UVRAG: variants seen among roughly 807,000 people sequenced by gnomAD.
UVRAG encodes the protein UV radiation resistance associated.
In UVRAG, 19 loss-of-function variants were observed where a neutral mutation model predicts 78.0. That is an observed-to-expected ratio of 0.24 (90% CI 0.17 to 0.36). UVRAG has a LOEUF of 0.36. UVRAG is among the 10% of genes least tolerant of loss of function. The pLI is 1.00. For missense variants in UVRAG, 740 were observed against 853.8 expected (o/e 0.87, Z 1.66); for synonymous variants, 323 against 324.6 (o/e 1.00, Z 0.05).
intron 7 of UVRAG, among the ~76,000 whole-genome samples, chr11:75,963,698 G>T (rs1948954482): frequency 6.6e-6 from 1 of 152,200 alleles, no homozygotes; most frequent in African/African-American, 2.4e-5. Flanking sequence ...TGGGTTCATA[G>T]TTGGTGACTT....
chr11:76,054,834 T>C (rs2134358301), intron 12 of UVRAG, among the ~76,000 whole-genome samples: 1 of 152,302 alleles, frequency 6.6e-6, no homozygotes, highest in Middle Eastern at 3.4e-3. Context: ...CCTAGAAGAG[T>C]GCCTATCACA....
intron 7 of UVRAG, among the ~76,000 whole-genome samples, chr11:75,963,130 AT>A (rs1359766230): frequency 2.0e-5 from 3 of 152,120 alleles, no homozygotes; most frequent in Non-Finnish European, 2.9e-5. Context: ...TCTGTATAAT[AT>A]TCATTACCAT....
chr11:76,116,611 A>G (rs1209343451), intron 14 of UVRAG, among the ~76,000 whole-genome samples: 1 of 152,196 alleles, frequency 6.6e-6, no homozygotes, highest in African/African-American at 2.4e-5. Context: ...TAGAAAGAAG[A>G]CATTAGATTC....
At chr11:75,918,856 A>C (rs1022207287) in intron 6 of UVRAG, among the ~76,000 whole-genome samples, 15 of 152,186 alleles carry the variant, frequency 9.9e-5, no homozygotes, top group African/African-American at 3.6e-4. Flanking sequence ...TTTCTAGGCT[A>C]ATATTTAAAA....
intron 12 of UVRAG, among the ~76,000 whole-genome samples, chr11:76,028,465 TG>T (rs1227682981): frequency 6.6e-6 from 1 of 152,150 alleles, no homozygotes. Flanking sequence ...AAAGCTGAGA[TG>T]GGCTGAAAGC....
chr11:75,941,252 C>T (rs1948477615), intron 6 of UVRAG, among the ~76,000 whole-genome samples: 1 of 152,098 alleles, frequency 6.6e-6, no homozygotes, highest in Admixed American at 6.6e-5. Flanking sequence ...ATAGATGAAA[C>T]CAACTGTTTC....
In UVRAG at chr11:75,861,714, A is replaced by G. The variant is rs1201493514; in HGVS notation, c.236-32A>G. ...GGTTAATGGGCTTATTTTCTTTCAT[A>G]TCACTTATTGTTCTTTTTTCTTCTT... is the stretch of plus-strand genomic sequence containing the variant. On this transcript the variant is annotated intron_variant, in intron 2 of 14. Coordinates refer to ENST00000356136, the MANE Select transcript of UVRAG (RefSeq NM_003369.4). The G allele has an allele frequency of 1.2e-5, 18 of 1,533,312 alleles. No homozygotes were observed. In the East Asian group the frequency reaches 4.1e-4, roughly 35 times the overall value. The allele number at this position is 1,533,312 out of a possible 1,614,324, so 95.0% of individuals were successfully genotyped here.
chr11:76,057,377 G>A (rs1054039680), intron 12 of UVRAG, among the ~76,000 whole-genome samples: 1 of 152,088 alleles, frequency 6.6e-6, no homozygotes, highest in African/African-American at 2.4e-5. Flanking sequence ...CACTTATGGG[G>A]GAAGGTTAAA....
intron 14 of UVRAG, among the ~76,000 whole-genome samples, chr11:76,121,022 G>A (rs1479111369): frequency 6.6e-6 from 1 of 152,138 alleles, no homozygotes; most frequent in Non-Finnish European, 1.5e-5. Context: ...TGGTGTTGAG[G>A]ATTTCATACT....
At position 75,924,131 on chromosome 11, in the gene UVRAG, C is replaced by T. The variant is rs566437508; in HGVS notation, c.593+12092C>T. 2.0e-5 allele frequency among the ~76,000 whole-genome samples: 3 copies of T among 152,218 alleles called. No homozygotes were observed. The East Asian group carries it at 5.8e-4, about 29-fold the overall frequency. ...AAGCTGGCTCAGAGCGAATGCTCAG[C>T]AAATATTTGTTAAATGAATGAATGA... On this transcript the variant is annotated intron_variant, in intron 6 of 14. Transcript: ENST00000356136.
intron 6 of UVRAG, among the ~76,000 whole-genome samples, chr11:75,920,014 T>TG (rs1947942922): frequency 4.8e-5 from 4 of 83,346 alleles, no homozygotes; most frequent in African/African-American, 2.9e-4. Context: ...TTTGGTTTTT[T>TG]TTTTTTTTTT....
intron 13 of UVRAG, among the ~76,000 whole-genome samples, chr11:76,077,711 CAA>C (rs1951428601): frequency 6.6e-6 from 1 of 152,148 alleles, no homozygotes; most frequent in African/African-American, 2.4e-5. Flanking sequence ...GTTAGATAAA[CAA>C]AGAAATTCAG....
At chr11:75,903,452 C>G (rs1160267391) in intron 5 of UVRAG, among the ~76,000 whole-genome samples, 2 of 152,192 alleles carry the variant, frequency 1.3e-5, no homozygotes, top group Non-Finnish European at 2.9e-5. Flanking sequence ...ATAATTTCCA[C>G]GTCACTGAAG....
intron 1 of UVRAG, among the ~76,000 whole-genome samples, chr11:75,830,734 C>G (rs1206629116): frequency 1.3e-5 from 2 of 152,198 alleles, no homozygotes; most frequent in Admixed American, 6.5e-5. Context: ...TTTTTAACCT[C>G]TGTGTGCCTC....
intron 1 of UVRAG, among the ~76,000 whole-genome samples, chr11:75,822,228 G>A (rs1290577990): frequency 1.3e-5 from 2 of 152,124 alleles, no homozygotes; most frequent in Non-Finnish European, 1.5e-5. Flanking sequence ...ACAGGCATGA[G>A]CCACCATGCC....
intron 1 of UVRAG, among the ~76,000 whole-genome samples, chr11:75,826,116 C>T (rs145833940): frequency 0.011 from 1,738 of 151,718 alleles, 32 homozygotes; most frequent in African/African-American, 0.039. Flanking sequence ...GGATTACAGG[C>T]GTGAGCCACT....
intron 6 of UVRAG, among the ~76,000 whole-genome samples, chr11:75,941,740 A>G (rs905712025): frequency 2.0e-4 from 31 of 152,158 alleles, no homozygotes; most frequent in African/African-American, 6.8e-4. Context: ...ATGTTTCCAC[A>G]GATGAGTTCT....
intron 3 of UVRAG, among the ~76,000 whole-genome samples, chr11:75,877,568 C>A (rs1946824008): frequency 6.9e-6 from 1 of 145,660 alleles, no homozygotes; most frequent in Non-Finnish European, 1.5e-5. Context: ...GCTGACCCCC[C>A]CCACCTCCCT....
At position 76,132,697 on chromosome 11, in the gene UVRAG, T is replaced by C. The variant is rs180777879; in HGVS notation, c.1398-8014T>C. On this transcript the variant is annotated intron_variant, in intron 14 of 14. Coordinates refer to ENST00000356136, the MANE Select transcript of UVRAG (RefSeq NM_003369.4). ...AGTTCGTGGCAGAATTTATTTCTGC[T>C]CATAGCTGATGCTTAGAATGCCTAA... Among the ~76,000 whole-genome samples the C allele has an allele frequency of 3.2e-3, 485 of 152,324 alleles. 1 individual carries two copies. Among genetic ancestry groups the C allele is most frequent in the Non-Finnish European group, 5.2e-3 (351 of 68,022 alleles).
Sources: allele counts gnomAD v4.1 joint callset (sites outside exome capture counted in the v4.1 genomes callset), GRCh38; gene constraint gnomAD v4.1.1; transcripts MANE v1.5; gene names NCBI Gene and HGNC (gene_info 2026-07-23, HGNC 2026-07-21).